RASEF: variants seen among roughly 807,000 people sequenced by gnomAD.
RASEF encodes ras and EF-hand domain-containing protein.
In RASEF, 68 loss-of-function variants were observed where a neutral mutation model predicts 90.1. That is an observed-to-expected ratio of 0.75 (90% CI 0.62 to 0.92). RASEF has a LOEUF of 0.92. RASEF is among the 40% of genes least tolerant of loss of function. RASEF has a pLI of 0.00. For synonymous variants in RASEF, 331 were observed against 345.2 expected (o/e 0.96, Z 0.46); for missense variants, 949 against 937.2 (o/e 1.01, Z -0.16).
chr9:83,071,879 C>T, the RASEF span, among the ~76,000 whole-genome samples: 1 of 152,138 alleles, frequency 6.6e-6, no homozygotes, highest in Non-Finnish European at 1.5e-5. Flanking sequence ...TCTAAAGCTG[C>T]AAGACTTCTT....
At chr9:83,041,910 C>T (rs141802859) in intron 1 of RASEF, among the ~76,000 whole-genome samples, 74 of 152,320 alleles carry the variant, frequency 4.9e-4, no homozygotes, top group Non-Finnish European at 8.2e-4. Context: ...GATCTGCAAA[C>T]ACCATCTGCC....
chr9:82,980,334 A>G lies in RASEF; in HGVS notation c.*2343T>C, dbSNP rs1230332626. On this transcript the variant is annotated 3_prime_UTR_variant, in exon 17 of 17. Transcript: ENST00000376447. ...GTAATAATCATGAATCTCCCAGCAT[A>G]CAGAGCTTTAAGAAGCTTCTCTTTA... 2 of 152,222 alleles carry G rather than the reference A, an allele frequency of 1.3e-5. No individual in the cohort carries two copies. Among genetic ancestry groups the G allele is most frequent in the African/African-American group, 2.4e-5 (1 of 41,464 alleles). The allele number at this position is 152,222 out of a possible 1,614,324, so 9.4% of individuals were successfully genotyped here. A position where few individuals can be genotyped will look rare whatever the true frequency, so the allele number is the denominator to read the frequency against.
At chr9:83,091,349 T>C in the RASEF span, among the ~76,000 whole-genome samples, 1 of 151,864 alleles carries the variant, frequency 6.6e-6, no homozygotes, top group Non-Finnish European at 1.5e-5. Flanking sequence ...AGATTAGGAG[T>C]TTGAGACCAG....
the RASEF span, among the ~76,000 whole-genome samples, chr9:83,086,988 G>A: frequency 6.6e-6 from 1 of 152,150 alleles, no homozygotes; most frequent in South Asian, 2.1e-4. Flanking sequence ...GGGGATCATT[G>A]GGGCCATCTT....
chr9:83,129,440 G>A, the RASEF span, among the ~76,000 whole-genome samples: 2 of 151,466 alleles, frequency 1.3e-5, no homozygotes, highest in Non-Finnish European at 2.9e-5. Flanking sequence ...ACTAGTGTGA[G>A]AAAGAATCTA....
the RASEF span, among the ~76,000 whole-genome samples, chr9:83,147,947 TGCTCTTCTGTTCCTCC>T: frequency 5.9e-5 from 9 of 152,152 alleles, 1 homozygote; most frequent in Middle Eastern, 3.4e-3. Context: ...TCTGCTGTGC[TGCTCTTCTGTTCCTCC>T]GCTCTTCTGC....
the RASEF span, among the ~76,000 whole-genome samples, chr9:83,147,534 A>G: frequency 6.6e-6 from 1 of 152,120 alleles, no homozygotes; most frequent in Non-Finnish European, 1.5e-5. Context: ...CAGCATGCAG[A>G]TGGGATGGTA....
intron 14 of RASEF, 146 bp from the exon 15 acceptor site, chr9:82,993,171 T>C: frequency 1.3e-6 from 1 of 770,976 alleles, no homozygotes; most frequent in Non-Finnish European, 2.0e-6. Flanking sequence ...AACCTCAAAG[T>C]ATCTCTAAAA....
intron 4 of RASEF, among the ~76,000 whole-genome samples, chr9:83,014,131 G>A (rs970666673): frequency 1.3e-5 from 2 of 152,142 alleles, no homozygotes; most frequent in African/African-American, 2.4e-5. Context: ...CAGAAGATTC[G>A]TCTGTTCAAT....
chr9:83,199,596 C>T, the RASEF span, among the ~76,000 whole-genome samples: 1 of 152,174 alleles, frequency 6.6e-6, no homozygotes, highest in Non-Finnish European at 1.5e-5. Flanking sequence ...TTTCCACATC[C>T]AAATCAGTGG....
At chr9:83,158,019 A>G in the RASEF span, among the ~76,000 whole-genome samples, 1 of 152,210 alleles carries the variant, frequency 6.6e-6, no homozygotes, top group East Asian at 1.9e-4. Flanking sequence ...TATCATCTGG[A>G]AAGCATGAAT....
At chr9:83,048,213 A>T in intron 1 of RASEF, 22 of 985,424 alleles carry the variant, frequency 2.2e-5, no homozygotes, top group Non-Finnish European at 2.7e-5. Context: ...GTCATCTGAC[A>T]GGGACCGGCA....
At position 82,982,601 on chromosome 9, in the gene RASEF, C is replaced by A; in HGVS notation, c.*76G>T. Reference sequence around the variant, plus strand: ...GACAGTGTCAGTAGGATGTGCCACTCTGTTAAGAGCCAAATAAGTCACACA... The same window carrying A: ...GACAGTGTCAGTAGGATGTGCCACTATGTTAAGAGCCAAATAAGTCACACA... On this transcript the variant is annotated 3_prime_UTR_variant, in exon 17 of 17. Coordinates refer to ENST00000376447, the MANE Select transcript of RASEF (RefSeq NM_152573.4). 1.2e-6 allele frequency: 1 copy of A among 851,260 alleles called. No individual in the cohort carries two copies. The highest frequency in any genetic ancestry group is 1.7e-5 in the Admixed American group (1 of 58,260). The allele number at this position is 851,260 out of a possible 1,614,324, so 52.7% of individuals were successfully genotyped here.
At chr9:83,107,472 AT>A in the RASEF span, among the ~76,000 whole-genome samples, 207 of 152,006 alleles carry the variant, frequency 1.4e-3, no homozygotes, top group African/African-American at 4.8e-3. Context: ...CTCCTCTCTC[AT>A]TTTTGCCCTC....
chr9:83,155,951 C>T, the RASEF span, among the ~76,000 whole-genome samples: 1 of 152,166 alleles, frequency 6.6e-6, no homozygotes, highest in Non-Finnish European at 1.5e-5. Context: ...ACTCAAGTTT[C>T]CATCCCAGGA....
chr9:83,027,667 A>G (rs991590343), intron 1 of RASEF, among the ~76,000 whole-genome samples: 3 of 152,226 alleles, frequency 2.0e-5, no homozygotes, highest in African/African-American at 7.2e-5. Context: ...GATCTGAAAG[A>G]GGATAAAGGA....
the RASEF span, among the ~76,000 whole-genome samples, chr9:83,193,138 G>C: frequency 6.6e-6 from 1 of 152,224 alleles, no homozygotes; most frequent in South Asian, 2.1e-4. Context: ...AAATGGGATA[G>C]AGCACCATCA....
At chr9:83,011,904 C>T (rs1829253589) in intron 5 of RASEF, among the ~76,000 whole-genome samples, 2 of 152,130 alleles carry the variant, frequency 1.3e-5, no homozygotes, top group Non-Finnish European at 2.9e-5. Context: ...CATTTCTTAG[C>T]TCTGCAGTGA....
chr9:83,091,602 G>C, the RASEF span, among the ~76,000 whole-genome samples: 1 of 152,152 alleles, frequency 6.6e-6, no homozygotes, highest in African/African-American at 2.4e-5. Flanking sequence ...ACTCCTTATG[G>C]ACATCTAACT....
Sources: gnomAD v4.1 joint callset for allele counts (sites outside exome capture counted in the v4.1 genomes callset) on GRCh38, gnomAD v4.1.1 for gene constraint, MANE v1.5 for transcripts, NCBI Gene and HGNC (gene_info 2026-07-23, HGNC 2026-07-21) for gene names.